Variants in UFL1 observed in about 807,000 individuals in gnomAD.
UFL1 encodes the protein UFM1 specific ligase 1, also known as E3 UFM1-protein ligase 1.
Under a neutral mutation model 99.3 loss-of-function variants are expected in UFL1, and 78 were observed. The observed-to-expected ratio is 0.79, with a 90% CI of 0.65 to 0.95. The LOEUF is 0.95. Ranked by LOEUF, UFL1 falls within the 40% of genes least tolerant of loss-of-function variation. The pLI is 0.00. For missense variants in UFL1, 936 were observed against 937.0 expected (o/e 1.00, Z 0.01); for synonymous variants, 335 against 322.2 (o/e 1.04, Z -0.42).
intron 6 of UFL1, among the ~76,000 whole-genome samples, chr6:96,529,658 A>T (rs1227560273): frequency 6.6e-6 from 1 of 151,742 alleles, no homozygotes; most frequent in Non-Finnish European, 1.5e-5. Flanking sequence ...TCTTTCTTTC[A>T]CTATCCTTTA....
chr6:96,540,869 C>T (rs1012182384), intron 11 of UFL1, among the ~76,000 whole-genome samples: 2 of 151,272 alleles, frequency 1.3e-5, no homozygotes, highest in African/African-American at 4.8e-5. Flanking sequence ...TTTGTGAAAA[C>T]TTTATTTTAT....
chr6:96,549,927 A>T (rs1016831455), intron 15 of UFL1, 128 bp downstream of exon 15: 4 of 1,321,250 alleles, frequency 3.0e-6, no homozygotes, highest in Admixed American at 2.5e-5. Context: ...AAAAAATCTA[A>T]AAGTTTTTTA....
chr6:96,545,459 T>A (rs1769986196), intron 12 of UFL1, among the ~76,000 whole-genome samples: 1 of 150,988 alleles, frequency 6.6e-6, no homozygotes, highest in Non-Finnish European at 1.5e-5. Context: ...ATTATAGAAT[T>A]CTGAGATTTT....
Position 96,543,024 on chromosome 6 carries a change from GC to G in UFL1, c.1402+9del. On this transcript the variant is annotated intron_variant, in intron 12 of 18. Transcript: ENST00000369278. ...CTCAATCATCCCACACTGGTAGGTA[GC>G]TTTTCTTTACTTTTCCTTGGTGTAT... is the stretch of plus-strand genomic sequence containing the variant. 1 of 1,584,604 alleles carries G rather than the reference GC, an allele frequency of 6.3e-7. No homozygotes were observed. Among genetic ancestry groups the G allele is most frequent in the Non-Finnish European group, 8.6e-7 (1 of 1,166,038 alleles).
Position 96,543,003 on chromosome 6 carries a change from A to G in UFL1, c.1389A>G (p.Gln463=), listed in dbSNP as rs763224414. The G allele has an allele frequency of 3.2e-4, 504 of 1,595,218 alleles. 1 individual carries two copies. The highest frequency in any genetic ancestry group is 3.9e-4 in the Non-Finnish European group (452 of 1,170,514). Residue 463 remains glutamine (Q), a synonymous_variant, in exon 12 of 19, where the codon CAA becomes CAG. Transcript: ENST00000369278. The part of the protein sequence containing the change: ...RKDDDSDDES[Q]SSHTGKKKPE... ...ATGATGATAGTGATGATGAATCTCA[A>G]TCATCCCACACTGGTAGGTAGCTTT...
At position 96,521,923 on chromosome 6, in the gene UFL1, G is replaced by A. The variant is rs1261579898; in HGVS notation, c.50G>A (p.Arg17Gln). The A allele has an allele frequency of 1.2e-6, 2 of 1,612,658 alleles. No individual in the cohort carries two copies. The highest frequency in any genetic ancestry group is 1.7e-6 in the Non-Finnish European group (2 of 1,179,584). The change falls in exon 1 of 19, where the codon CGG becomes CAG. Residue 17 changes from arginine (R) to glutamine (Q), a missense_variant. By Grantham distance (43) the Arg-to-Gln change is conservative. Transcript: ENST00000369278. The part of the protein sequence containing the change: ...EIRRLAADFQ[R>Q]AQFAEATQRL... Reference sequence around the variant, plus strand: ...AGGCGGTTGGCGGCCGACTTCCAGCGGGCGCAGTTCGCCGAGGCCACGCAG... The same window carrying A: ...AGGCGGTTGGCGGCCGACTTCCAGCAGGCGCAGTTCGCCGAGGCCACGCAG...
Position 96,547,892 on chromosome 6 carries a change from G to C in UFL1, c.1403-272G>C, listed in dbSNP as rs542799485. On this transcript the variant is annotated intron_variant, in intron 12 of 18. Transcript: ENST00000369278. Reference sequence around the variant, plus strand: ...GTTCACTCTTTGGTTAATGGGTACAGTAGTAGCCCAGTCCCTGCCAGTATG... The same window carrying C: ...GTTCACTCTTTGGTTAATGGGTACACTAGTAGCCCAGTCCCTGCCAGTATG... 3.7e-4 allele frequency among the ~76,000 whole-genome samples: 56 copies of C among 151,634 alleles called. 3 individuals carry two copies. The highest frequency in any genetic ancestry group is 1.7e-3 in the South Asian group (8 of 4,824).
chr6:96,527,556 T>G (rs1769721470), intron 5 of UFL1, among the ~76,000 whole-genome samples: 1 of 152,142 alleles, frequency 6.6e-6, no homozygotes, highest in African/African-American at 2.4e-5. Flanking sequence ...CTAATTCCAT[T>G]TAAAATACCA....
In UFL1 at chr6:96,551,436, A is replaced by G; in HGVS notation, c.1822A>G (p.Arg608Gly). Reference sequence around the variant, plus strand: ...GAATTTTCATTTACCCCTACAGATAAGAAAGAAAATTTTAAGTAAATTATC... The same window carrying G: ...GAATTTTCATTTACCCCTACAGATAGGAAAGAAAATTTTAAGTAAATTATC... ...DDPAAITSEI[R>G]KKILSKLSEE... is the part of the protein sequence containing the mutation. Residue 608 changes from arginine to glycine, a missense_variant, in exon 16 of 19, where the codon AGA (arginine) becomes GGA (glycine). Physicochemically the swap from Arg to Gly is moderately radical, Grantham distance 125. Coordinates refer to ENST00000369278, the MANE Select transcript of UFL1 (RefSeq NM_015323.5). 1.3e-6 allele frequency: 2 copies of G among 1,488,946 alleles called. No individual in the cohort carries two copies. The highest frequency in any genetic ancestry group is 9.1e-7 in the Non-Finnish European group (1 of 1,097,378). The allele number at this position is 1,488,946 out of a possible 1,614,324, so 92.2% of individuals were successfully genotyped here.
At chr6:96,533,816 A>AT (rs1411806434) in intron 6 of UFL1, among the ~76,000 whole-genome samples, 1 of 151,202 alleles carries the variant, frequency 6.6e-6, no homozygotes, top group Non-Finnish European at 1.5e-5. Context: ...AAAAAAAAAA[A>AT]AGATTTTAAA....
intron 13 of UFL1, 100 bp from the exon 14 acceptor site, chr6:96,549,312 A>G: frequency 1.1e-6 from 1 of 934,994 alleles, no homozygotes; most frequent in South Asian, 3.0e-5. Flanking sequence ...AAAAATAGAG[A>G]TTTCTATTCT....
Position 96,538,726 on chromosome 6 carries a change from T to C in UFL1, c.1074T>C (p.Phe358=), listed in dbSNP as rs754578655. The C allele has an allele frequency of 2.7e-5, 44 of 1,611,482 alleles. No homozygotes were observed. Among genetic ancestry groups the C allele is most frequent in the Middle Eastern group, 1.6e-4 (1 of 6,064 alleles). ...AFSKQASTVV[F]SDTVVVSEKF... ...GCAAACAGGCCTCAACTGTAGTCTT[T>C]AGCGACACTGTTGTAGTCAGTGAAA... The change falls in exon 10 of 19, where the codon TTT becomes TTC. Residue 358 remains phenylalanine, a synonymous_variant. Transcript: ENST00000369278.
chr6:96,545,289 A>G (rs937831701), intron 12 of UFL1, among the ~76,000 whole-genome samples: 2 of 151,066 alleles, frequency 1.3e-5, no homozygotes, highest in African/African-American at 2.4e-5. Context: ...TACCTTTACA[A>G]TTTCTAATGG....
At chr6:96,537,950 C>A (rs1019996785) in intron 9 of UFL1, among the ~76,000 whole-genome samples, 5 of 151,790 alleles carry the variant, frequency 3.3e-5, no homozygotes, top group African/African-American at 1.2e-4. Flanking sequence ...GTGTTTACTT[C>A]AGTGTTCAAT....
At chr6:96,524,887 G>C (rs1769677186) in intron 3 of UFL1, among the ~76,000 whole-genome samples, 1 of 152,100 alleles carries the variant, frequency 6.6e-6, no homozygotes, top group Non-Finnish European at 1.5e-5. Flanking sequence ...CGAATTTTCT[G>C]TAAAATGCTA....
chr6:96,538,833 T>G, intron 10 of UFL1, 23 bp downstream of exon 10: 1 of 1,557,302 alleles, frequency 6.4e-7, no homozygotes, highest in Non-Finnish European at 8.7e-7. Flanking sequence ...TCCTTTTATC[T>G]GCTAATCTTA....
chr6:96,553,563 G>A lies in UFL1; in HGVS notation c.*60G>A, dbSNP rs1341855335. On this transcript the variant is annotated 3_prime_UTR_variant, in exon 19 of 19. Transcript: ENST00000369278. Reference sequence around the variant, plus strand: ...TTTCCCCCAAGGTTGAAGGTGAGTGGTCACAAAAAAGTAGTCACTATACAA... The same window carrying A: ...TTTCCCCCAAGGTTGAAGGTGAGTGATCACAAAAAAGTAGTCACTATACAA... 29 of 1,501,948 alleles carry A rather than the reference G, an allele frequency of 1.9e-5. No homozygotes were observed. Among genetic ancestry groups the A allele is most frequent in the Non-Finnish European group, 2.3e-5 (26 of 1,106,550 alleles). 93.0% of individuals were successfully genotyped at this position (1,501,948 alleles called of 1,614,324 possible).
chr6:96,533,094 A>C (rs1324094773), intron 6 of UFL1, among the ~76,000 whole-genome samples: 1 of 152,170 alleles, frequency 6.6e-6, no homozygotes, highest in Non-Finnish European at 1.5e-5. Context: ...TGTTATATGC[A>C]TTAAAAATGA....
In UFL1 at chr6:96,543,010, C is replaced by A; in HGVS notation, c.1396C>A (p.His466Asn). ...DDSDDESQSSHTGKKKPEISF... is the reference protein window; with the variant it reads ...DDSDDESQSSNTGKKKPEISF... ...TAGTGATGATGAATCTCAATCATCC[C>A]ACACTGGTAGGTAGCTTTTCTTTAC... Residue 466 changes from histidine (H) to asparagine (N), a missense_variant, in exon 12 of 19, where the codon CAC becomes AAC. Coordinates refer to ENST00000369278, the MANE Select transcript of UFL1 (RefSeq NM_015323.5). 1 of 1,590,018 alleles carries A rather than the reference C, an allele frequency of 6.3e-7. No individual in the cohort carries two copies. The highest frequency in any genetic ancestry group is 1.1e-5 in the South Asian group (1 of 87,150).
Sources: gnomAD v4.1 joint callset for allele counts (sites outside exome capture counted in the v4.1 genomes callset) on GRCh38, gnomAD v4.1.1 for gene constraint, MANE v1.5 for transcripts, NCBI Gene and HGNC (gene_info 2026-07-23, HGNC 2026-07-21) for gene names.